The following AGBL1 variants were observed in gnomAD, a reference collection of about 807,000 sequenced individuals.
AGBL1 encodes the protein AGBL carboxypeptidase 1.
Under a neutral mutation model 118.9 loss-of-function variants are expected in AGBL1, and 130 were observed. That is an observed-to-expected ratio of 1.09 (90% CI 0.95 to 1.26). AGBL1 has a LOEUF of 1.26. Among genes scored for constraint, AGBL1 ranks in the 50% most tolerant of loss-of-function variants. The probability of loss-of-function intolerance (pLI) is 0.00; values close to 1 mark genes in which losing one functional copy is unlikely to be tolerated. For synonymous variants in AGBL1, 555 were observed against 478.9 expected, an observed-to-expected ratio of 1.16 and a Z score of -2.08; for missense variants, 1,584 against 1,298.1, an observed-to-expected ratio of 1.22 and a Z score of -3.38.
intron 22 of AGBL1, among the ~76,000 whole-genome samples, chr15:86,789,933 GA>G (rs1555450326): frequency 6.6e-6 from 1 of 152,084 alleles, no homozygotes; most frequent in Non-Finnish European, 1.5e-5. Context: ...AGGAGACTAG[GA>G]AACTCCACCG....
chr15:86,283,335 A>G (rs2079385407), intron 16 of AGBL1, among the ~76,000 whole-genome samples: 1 of 152,196 alleles, frequency 6.6e-6, no homozygotes, highest in African/African-American at 2.4e-5. Context: ...GTATGAAATG[A>G]CAAGAGACAA....
Position 86,912,321 on chromosome 15 carries a change from G to A in AGBL1, c.*5027G>A, listed in dbSNP as rs1221833488. 1 of 152,256 alleles carries A rather than the reference G, an allele frequency of 6.6e-6. No individual in the cohort carries two copies. Among genetic ancestry groups the A allele is most frequent in the African/African-American group, 2.4e-5 (1 of 41,548 alleles). 9.4% of individuals were successfully genotyped at this position (152,256 alleles called of 1,614,324 possible). A position where few individuals can be genotyped will look rare whatever the true frequency, so the allele number is the denominator to read the frequency against. ...GCAAATGCTTAGAGTGGTGATAATG[G>A]AGGGGTGGCATCTCCAAGGGTTCCC... On this transcript the variant is annotated 3_prime_UTR_variant, in exon 23 of 23. Transcript: ENST00000614907.
intron 18 of AGBL1, among the ~76,000 whole-genome samples, chr15:86,498,927 G>A (rs2082885815): frequency 1.3e-5 from 2 of 151,890 alleles, no homozygotes; most frequent in South Asian, 4.1e-4. Flanking sequence ...CCATGAGGCA[G>A]TTAGCACACA....
chr15:86,711,672 T>G (rs2086559699), intron 22 of AGBL1, among the ~76,000 whole-genome samples: 1 of 152,124 alleles, frequency 6.6e-6, no homozygotes, highest in Non-Finnish European at 1.5e-5. Flanking sequence ...GGCCCACTGG[T>G]TAAGTCCAGC....
intron 3 of AGBL1, among the ~76,000 whole-genome samples, chr15:86,151,351 C>G (rs913535272): frequency 3.3e-5 from 5 of 150,580 alleles, no homozygotes; most frequent in African/African-American, 1.2e-4. Flanking sequence ...AGCTTCATCC[C>G]TGGGATGCAA....
intron 22 of AGBL1, among the ~76,000 whole-genome samples, chr15:86,795,289 G>A (rs578105435): frequency 6.6e-6 from 1 of 152,276 alleles, no homozygotes; most frequent in South Asian, 2.1e-4. Context: ...GAGGCTGATT[G>A]GTGGAGCCCT....
At chr15:86,308,814 G>C (rs897016494) in intron 17 of AGBL1, among the ~76,000 whole-genome samples, 1 of 152,120 alleles carries the variant, frequency 6.6e-6, no homozygotes, top group Non-Finnish European at 1.5e-5. Context: ...TGTGGAGTTG[G>C]TTACTACAGC....
intron 17 of AGBL1, among the ~76,000 whole-genome samples, chr15:86,371,775 T>A (rs2080974151): frequency 6.6e-6 from 1 of 152,144 alleles, no homozygotes; most frequent in African/African-American, 2.4e-5. Context: ...GGTGGTGTGG[T>A]GAGGGGAAAG....
At chr15:86,227,152 A>T (rs1415426030) in intron 6 of AGBL1, among the ~76,000 whole-genome samples, 2 of 152,040 alleles carry the variant, frequency 1.3e-5, no homozygotes, top group Non-Finnish European at 2.9e-5. Context: ...CCATGCATAG[A>T]ACCAATGATC....
At chr15:86,574,393 A>G (rs1468932178) in intron 21 of AGBL1, among the ~76,000 whole-genome samples, 1 of 152,130 alleles carries the variant, frequency 6.6e-6, no homozygotes, top group East Asian at 1.9e-4. Context: ...TAGTAGCAGC[A>G]AAGAAGAAGG....
chr15:86,341,119 G>A (rs2080455433), intron 17 of AGBL1, among the ~76,000 whole-genome samples: 1 of 152,182 alleles, frequency 6.6e-6, no homozygotes, highest in Non-Finnish European at 1.5e-5. Flanking sequence ...TCCCTACCTG[G>A]CCTTTTCTGA....
At chr15:86,408,501 C>G (rs1567241556) in intron 18 of AGBL1, among the ~76,000 whole-genome samples, 1 of 152,200 alleles carries the variant, frequency 6.6e-6, no homozygotes, top group African/African-American at 2.4e-5. Context: ...TGGGAGCTGA[C>G]AAAGGAGCTT....
chr15:86,953,211 G>T (rs1387739009), intron 23 of AGBL1, among the ~76,000 whole-genome samples: 1 of 152,072 alleles, frequency 6.6e-6, no homozygotes, highest in Non-Finnish European at 1.5e-5. Flanking sequence ...AATGACATTG[G>T]TAGTGTGATA....
intron 5 of AGBL1, among the ~76,000 whole-genome samples, chr15:86,163,664 G>A (rs1055063431): frequency 6.6e-6 from 1 of 151,950 alleles, no homozygotes; most frequent in African/African-American, 2.4e-5. Flanking sequence ...GGAGGTAGAG[G>A]TTACAGTGAG....
At chr15:87,001,340 C>T (rs1024941592) in intron 24 of AGBL1, among the ~76,000 whole-genome samples, 1 of 152,012 alleles carries the variant, frequency 6.6e-6, no homozygotes, top group African/African-American at 2.4e-5. Flanking sequence ...CAAAGTATTG[C>T]ATGGTGTATA....
chr15:86,621,421 T>A (rs545865171), intron 21 of AGBL1, among the ~76,000 whole-genome samples: 54 of 152,240 alleles, frequency 3.5e-4, no homozygotes, highest in African/African-American at 1.3e-3. Flanking sequence ...AGGGCAGGAG[T>A]CCCATTCCAC....
At chr15:86,950,925 G>C (rs55886148) in intron 23 of AGBL1, among the ~76,000 whole-genome samples, 5,941 of 152,168 alleles carry the variant, frequency 0.039, 160 homozygotes, top group Middle Eastern at 0.071. Flanking sequence ...AACACTATAT[G>C]AAACAAGGCT....
intron 5 of AGBL1, among the ~76,000 whole-genome samples, chr15:86,188,408 A>C (rs1210414525): frequency 6.6e-6 from 1 of 151,942 alleles, no homozygotes; most frequent in Non-Finnish European, 1.5e-5. Flanking sequence ...AGAAAACATA[A>C]AAAAAAAGAC....
intron 22 of AGBL1, among the ~76,000 whole-genome samples, chr15:86,882,044 A>G (rs1389325345): frequency 1.3e-5 from 2 of 152,300 alleles, no homozygotes; most frequent in Non-Finnish European, 1.5e-5. Flanking sequence ...GTTACCTTTC[A>G]GTAAGAAGAT....
Sources: gnomAD v4.1 joint callset for allele counts (sites outside exome capture counted in the v4.1 genomes callset) on GRCh38, gnomAD v4.1.1 for gene constraint, MANE v1.5 for transcripts, NCBI Gene and HGNC (gene_info 2026-07-23, HGNC 2026-07-21) for gene names.